Variants in SIVA1 observed in about 807,000 individuals in gnomAD.
The protein encoded by SIVA1 is SIVA1 apoptosis inducing factor.
A neutral mutation model predicts 19.7 loss-of-function variants in SIVA1; 10 were observed. That is an observed-to-expected ratio of 0.51 (90% CI 0.31 to 0.86). The LOEUF is 0.86. SIVA1 is among the 40% of genes least tolerant of loss of function. SIVA1 has a pLI of 0.04. For missense variants in SIVA1, 241 were observed against 245.2 expected, an observed-to-expected ratio of 0.98 and a Z score of 0.11; for synonymous variants, 130 against 106.1, an observed-to-expected ratio of 1.23 and a Z score of -1.39.
chr14:104,753,819 C>T lies in SIVA1; in HGVS notation c.118+500C>T, dbSNP rs114688365. On this transcript the variant is annotated intron_variant, in intron 1 of 3. Transcript: ENST00000329967. Reference sequence around the variant, plus strand: ...AGGCAAGACAGATGTGCCCCGTCTCCCGGGAGCTCCCCAGCCTAGTTGGGG... The same window carrying T: ...AGGCAAGACAGATGTGCCCCGTCTCTCGGGAGCTCCCCAGCCTAGTTGGGG... 1,704 of 452,502 alleles carry T rather than the reference C, an allele frequency of 3.8e-3. 30 individuals are homozygous for T. Among genetic ancestry groups the T allele is most frequent in the African/African-American group, 0.031 (1,571 of 50,132 alleles). The allele number at this position is 452,502 out of a possible 1,614,324, so 28.0% of individuals were successfully genotyped here. A position where few individuals can be genotyped will look rare whatever the true frequency, so the allele number is the denominator to read the frequency against.
intron 1 of SIVA1, 113 bp from the exon 2 acceptor site, chr14:104,755,517 G>A (rs1891854237): frequency 1.1e-6 from 1 of 952,048 alleles, no homozygotes; most frequent in Non-Finnish European, 1.6e-6. Flanking sequence ...CTGGGAGACA[G>A]AGGGCACACA....
intron 2 of SIVA1, 58 bp downstream of exon 2, chr14:104,755,882 G>C (rs1334191273): frequency 2.0e-6 from 3 of 1,511,764 alleles, no homozygotes. Context: ...GGTGGCACGA[G>C]CATTTTTCTT....
At position 104,754,827 on chromosome 14, in the gene SIVA1, C is replaced by T. The variant is rs549008109; in HGVS notation, c.119-803C>T. Among the ~76,000 whole-genome samples, 37 of 152,340 alleles carry T rather than the reference C, an allele frequency of 2.4e-4. No homozygotes were observed. The South Asian group carries it at 7.7e-3, about 32-fold the overall frequency. Reference sequence around the variant, plus strand: ...GAAGGTGCAGGGTGTTGTGGGCTGGCATCAGCTACTCCATGTGAGTTACCC... The same window carrying T: ...GAAGGTGCAGGGTGTTGTGGGCTGGTATCAGCTACTCCATGTGAGTTACCC... On this transcript the variant is annotated intron_variant, in intron 1 of 3. Transcript: ENST00000329967.
intron 1 of SIVA1, among the ~76,000 whole-genome samples, chr14:104,754,764 TC>T (rs1208034628): frequency 6.6e-6 from 1 of 152,078 alleles, no homozygotes; most frequent in East Asian, 1.9e-4. Context: ...CCCATTCCTT[TC>T]CCCTTATAGA....
In SIVA1 at chr14:104,753,269, G is replaced by A. The variant is rs1380417366; in HGVS notation, c.68G>A (p.Arg23Lys). The A allele has an allele frequency of 1.2e-6, 2 of 1,602,440 alleles. No individual in the cohort carries two copies. Among genetic ancestry groups the A allele is most frequent in the Non-Finnish European group, 1.7e-6 (2 of 1,176,254 alleles). Residue 23 changes from arginine to lysine, a missense_variant, in exon 1 of 4, where the codon AGG (arginine) becomes AAG (lysine). Physicochemically the swap from Arg to Lys is conservative, Grantham distance 26. Transcript: ENST00000329967. ...PLQLKVRVSQ[R>K]ELSRGVCAER... Reference sequence around the variant, plus strand: ...CAGCTCAAGGTCCGCGTGAGCCAGAGGGAGTTGAGCCGCGGCGTGTGCGCC... The same window carrying A: ...CAGCTCAAGGTCCGCGTGAGCCAGAAGGAGTTGAGCCGCGGCGTGTGCGCC...
chr14:104,754,766 C>T (rs751738013), intron 1 of SIVA1, among the ~76,000 whole-genome samples: 1 of 152,144 alleles, frequency 6.6e-6, no homozygotes, highest in African/African-American at 2.4e-5. Context: ...CATTCCTTTC[C>T]CCTTATAGAT....
In SIVA1 at chr14:104,753,400, G is replaced by A. The variant is rs560067828; in HGVS notation, c.118+81G>A. 167 of 955,696 alleles carry A rather than the reference G, an allele frequency of 1.7e-4. 3 individuals carry two copies. The South Asian group carries it at 1.8e-3, about 10-fold the overall frequency. The allele number at this position is 955,696 out of a possible 1,614,324, so 59.2% of individuals were successfully genotyped here. A position where few individuals can be genotyped will look rare whatever the true frequency, so the allele number is the denominator to read the frequency against. On this transcript the variant is annotated intron_variant, in intron 1 of 3. Transcript: ENST00000329967. ...GGCCTCAGCGTCCCCTCTGAGGCCT[G>A]AGCGGGGGGCTGGAGGGCCCTGCTT...
chr14:104,758,405 G>C (rs951843564), intron 3 of SIVA1: 4 of 152,230 alleles, frequency 2.6e-5, no homozygotes, highest in African/African-American at 9.7e-5. Context: ...GGTAGCCATT[G>C]CCAGTCCCGT....
chr14:104,753,305 C>T lies in SIVA1; in HGVS notation c.104C>T (p.Ser35Leu). 1 of 1,598,556 alleles carries T rather than the reference C, an allele frequency of 6.3e-7. No homozygotes were observed. Among genetic ancestry groups the T allele is most frequent in the Middle Eastern group, 1.7e-4 (1 of 6,004 alleles). The change falls in exon 1 of 4, where the codon TCG becomes TTG. Residue 35 changes from serine to leucine, a missense_variant. Ser to Leu is a moderately radical substitution (Grantham distance 145). Coordinates refer to ENST00000329967, the MANE Select transcript of SIVA1 (RefSeq NM_006427.4). ...LSRGVCAERY[S>L]QEVFEKTKRL... The stretch of plus-strand genomic sequence containing the variant: ...CGCGGCGTGTGCGCCGAGCGCTACT[C>T]GCAGGAGGTCTTCGGTGAGTGTCGG...
chr14:104,754,511 C>G (rs1891820424), intron 1 of SIVA1, among the ~76,000 whole-genome samples: 1 of 152,196 alleles, frequency 6.6e-6, no homozygotes, highest in South Asian at 2.1e-4. Flanking sequence ...TGGGGCCTGG[C>G]TCAGTATGGC....
Position 104,753,302 on chromosome 14 carries a change from A to T in SIVA1, c.101A>T (p.Tyr34Phe), listed in dbSNP as rs1891768216. 5 of 1,599,316 alleles carry T rather than the reference A, an allele frequency of 3.1e-6. No individual in the cohort carries two copies. Among genetic ancestry groups the T allele is most frequent in the Non-Finnish European group, 4.3e-6 (5 of 1,174,914 alleles). The change falls in exon 1 of 4, where the codon TAC (tyrosine) becomes TTC (phenylalanine). Residue 34 changes from tyrosine to phenylalanine, a missense_variant. Transcript: ENST00000329967. ...AGCCGCGGCGTGTGCGCCGAGCGCT[A>T]CTCGCAGGAGGTCTTCGGTGAGTGT... Reference protein sequence around the residue: ...ELSRGVCAERYSQEVFEKTKR... With the variant: ...ELSRGVCAERFSQEVFEKTKR...
rs376097428 is a variant in SIVA1 at position 104,759,536 on chromosome 14, C to A, written c.*51C>A. On this transcript the variant is annotated 3_prime_UTR_variant, in exon 4 of 4. Transcript: ENST00000329967. The surrounding 1 kb of genome is among the most constrained non-coding windows in gnomAD (Gnocchi z 4.2). ...CCGGGAGCCACGCCGTGCATGGCAG[C>A]CTTCCCTGGACGAGCGCTCGGTGTT... 4.6e-6 allele frequency: 7 copies of A among 1,529,730 alleles called. No individual in the cohort carries two copies. The African/African-American group carries it at 8.2e-5, about 18-fold the overall frequency. 94.8% of individuals were successfully genotyped at this position (1,529,730 alleles called of 1,614,324 possible). A position where few individuals can be genotyped will look rare whatever the true frequency, so the allele number is the denominator to read the frequency against.
Position 104,755,623 on chromosome 14 carries a change from C to T in SIVA1, c.119-7C>T. On this transcript the variant is annotated splice_polypyrimidine_tract_variant and splice_region_variant and intron_variant, in intron 1 of 3. Coordinates refer to ENST00000329967, the MANE Select transcript of SIVA1 (RefSeq NM_006427.4). ...GAAGGACGTGAGAATGATTTATCTT[C>T]CCCCAGAGAAGACCAAGCGACTCCT... The T allele has an allele frequency of 6.2e-7, 1 of 1,607,916 alleles. No homozygotes were observed. The highest frequency in any genetic ancestry group is 8.5e-7 in the Non-Finnish European group (1 of 1,178,258).
At chr14:104,756,994 C>G in intron 3 of SIVA1, 2 of 573,104 alleles carry the variant, frequency 3.5e-6, no homozygotes, top group Non-Finnish European at 6.2e-6. Context: ...CTGTATCCGG[C>G]TCTAGTCCCT....
intron 3 of SIVA1, chr14:104,757,216 C>A: frequency 2.7e-6 from 1 of 376,330 alleles, no homozygotes. Context: ...GGTGGGTTTG[C>A]TGCAGCTGGC....
At chr14:104,754,042 C>T (rs533787150) in intron 1 of SIVA1, among the ~76,000 whole-genome samples, 58 of 152,232 alleles carry the variant, frequency 3.8e-4, no homozygotes, top group African/African-American at 1.3e-3. Flanking sequence ...CGAAATAGGA[C>T]TCCGTGTGGC....
In SIVA1 at chr14:104,753,333, G is replaced by A. The variant is rs1459034059; in HGVS notation, c.118+14G>A. ...AGGAGGTCTTCGGTGAGTGTCGGGC[G>A]GGCTGCCGAGGGTCCGCTGCGTCGG... On this transcript the variant is annotated intron_variant, in intron 1 of 3. Coordinates refer to ENST00000329967, the MANE Select transcript of SIVA1 (RefSeq NM_006427.4). 1 of 1,547,490 alleles carries A rather than the reference G, an allele frequency of 6.5e-7. No individual in the cohort carries two copies. The highest frequency in any genetic ancestry group is 8.8e-7 in the Non-Finnish European group (1 of 1,135,810).
intron 3 of SIVA1, chr14:104,758,225 C>CCT (rs1260854725): frequency 1.3e-5 from 2 of 152,376 alleles, no homozygotes; most frequent in Admixed American, 1.3e-4. Flanking sequence ...CTGCTGATGG[C>CCT]CTGCACTGGC....
In SIVA1 at chr14:104,756,756, G is replaced by C. The variant is rs1055879842; in HGVS notation, c.466G>C (p.Val156Leu). Residue 156 changes from valine to leucine, a missense_variant, in exon 3 of 4, where the codon GTG (valine) becomes CTG (leucine). Val to Leu is a conservative substitution (Grantham distance 32). Coordinates refer to ENST00000329967, the MANE Select transcript of SIVA1 (RefSeq NM_006427.4). ...CGTGGCCTGTACCCTGTGTGGCCTC[G>C]TGGAGTAAGTACTTCAGTCCCTGGA... The part of the protein sequence containing the change: ...GSVACTLCGL[V>L]DCSDMYEKVL... 3 of 1,609,958 alleles carry C rather than the reference G, an allele frequency of 1.9e-6. No individual in the cohort carries two copies. In the East Asian group the frequency reaches 6.7e-5, roughly 36 times the overall value.
Sources: gnomAD v4.1 joint callset for allele counts (sites outside exome capture counted in the v4.1 genomes callset) on GRCh38, gnomAD v4.1.1 for gene constraint, Gnocchi (gnomAD v3.1) non-coding constraint, MANE v1.5 for transcripts, NCBI Gene and HGNC (gene_info 2026-07-23, HGNC 2026-07-21) for gene names.